TBCD: variants seen among roughly 807,000 people sequenced by gnomAD.
The protein encoded by TBCD is tubulin-specific chaperone D.
TBCD carries 105 observed loss-of-function variants against 169.3 expected under a neutral mutation model. The ratio of observed to expected loss-of-function variants is 0.62; its 90% CI spans 0.53 to 0.73. TBCD has a LOEUF of 0.73. Among genes scored for constraint, TBCD ranks in the 30% least tolerant of loss-of-function variants. The pLI is 0.00. For missense variants in TBCD, 1,444 were observed against 1,600.1 expected, an observed-to-expected ratio of 0.90 and a Z score of 1.66; for synonymous variants, 700 against 643.9, an observed-to-expected ratio of 1.09 and a Z score of -1.32.
In TBCD at chr17:82,831,684, C is replaced by T. The variant is rs143407397; in HGVS notation, c.1318+16750C>T. On this transcript the variant is annotated intron_variant, in intron 13 of 38. Transcript: ENST00000355528. The surrounding 1 kb of genome is among the most constrained non-coding windows in gnomAD (Gnocchi z 4.6). Reference sequence around the variant, plus strand: ...GCGAGCTCCCAGCCAGCAGGTAAGGCGAGTAGATGGTGGCCAGCCCGTGCT... The same window carrying T: ...GCGAGCTCCCAGCCAGCAGGTAAGGTGAGTAGATGGTGGCCAGCCCGTGCT... 4.5e-5 allele frequency: 73 copies of T among 1,613,870 alleles called. No homozygotes were observed. In the African/African-American group the frequency reaches 7.1e-4, roughly 16 times the overall value.
At chr17:82,834,636 A>T (rs547009713) in intron 13 of TBCD, among the ~76,000 whole-genome samples, 2 of 148,924 alleles carry the variant, frequency 1.3e-5, no homozygotes, top group Non-Finnish European at 3.0e-5. Context: ...CCAAACGTGC[A>T]TGGTCTCACC....
rs953576923 is a variant in TBCD, at chr17:82,922,087, T to C, written c.2178+510T>C. Among the ~76,000 whole-genome samples, 2 of 152,188 alleles carry C rather than the reference T, an allele frequency of 1.3e-5. No homozygotes were observed. Among genetic ancestry groups the C allele is most frequent in the Non-Finnish European group, 2.9e-5 (2 of 68,038 alleles). ...CTTTGGACTCACAGAGCTGTAACGC[T>C]GATCTCATTGCATAGATAAGAAACC... On this transcript the variant is annotated intron_variant, in intron 25 of 38. Transcript: ENST00000355528. This position sits in a 1 kb window ranked among gnomAD's most constrained non-coding sequence, Gnocchi z 4.1.
chr17:82,901,796 G>C (rs950574150), intron 18 of TBCD, among the ~76,000 whole-genome samples: 23 of 152,352 alleles, frequency 1.5e-4, no homozygotes, highest in African/African-American at 5.5e-4. Context: ...CGCTTACAGA[G>C]AGGGGTGTGA....
chr17:82,940,380 T>C (rs2063075391), intron 37 of TBCD, among the ~76,000 whole-genome samples: 1 of 151,886 alleles, frequency 6.6e-6, no homozygotes, highest in Non-Finnish European at 1.5e-5. Flanking sequence ...GCTGCTCTGT[T>C]TTGAGTGCCG....
rs2049376384 is a variant in TBCD at position 82,787,160 on chromosome 17, A to G, written c.771+5439A>G. Among the ~76,000 whole-genome samples, 5 of 151,854 alleles carry G rather than the reference A, an allele frequency of 3.3e-5. No homozygotes were observed. In the South Asian group the frequency reaches 1.0e-3, roughly 32 times the overall value. On this transcript the variant is annotated intron_variant, in intron 7 of 38. Coordinates refer to ENST00000355528, the MANE Select transcript of TBCD (RefSeq NM_005993.5). Reference sequence around the variant, plus strand: ...GCTTAGGAGAGCCGAGCCCTGTGCCACCCCCCGGCATATGCTGGCAAAGAG... The same window carrying G: ...GCTTAGGAGAGCCGAGCCCTGTGCCGCCCCCCGGCATATGCTGGCAAAGAG...
In TBCD at chr17:82,764,059, C is replaced by G. The variant is rs920312473; in HGVS notation, c.330C>G (p.Thr110=). 2 of 1,611,724 alleles carry G rather than the reference C, an allele frequency of 1.2e-6. No individual in the cohort carries two copies. Among genetic ancestry groups the G allele is most frequent in the African/African-American group, 1.3e-5 (1 of 74,884 alleles). Residue 110 remains threonine, a synonymous_variant, in exon 3 of 39, where the codon ACC becomes ACG. Coordinates refer to ENST00000355528, the MANE Select transcript of TBCD (RefSeq NM_005993.5). ...CTTTTAAATTTCTTTACATCATCAC[C>G]AAGGTAACATTTCCATAGCACTTCA... is the stretch of plus-strand genomic sequence containing the variant. ...HLAFKFLYII[T]KVRGYKTFLR...
chr17:82,898,002 G>A (rs1381670357), intron 17 of TBCD, among the ~76,000 whole-genome samples: 1 of 150,862 alleles, frequency 6.6e-6, no homozygotes, highest in African/African-American at 2.5e-5. Context: ...TTTTTCATGA[G>A]CATTGAGCCC....
intron 3 of TBCD, among the ~76,000 whole-genome samples, chr17:82,765,536 G>C (rs1260290649): frequency 6.6e-6 from 1 of 152,206 alleles, no homozygotes; most frequent in Non-Finnish European, 1.5e-5. Flanking sequence ...TCGTAGTGGC[G>C]AGGCGCATTT....
chr17:82,932,387 C>T (rs941394469), intron 33 of TBCD, among the ~76,000 whole-genome samples: 2 of 152,234 alleles, frequency 1.3e-5, no homozygotes, highest in Admixed American at 1.3e-4. Flanking sequence ...TTGGACTCTC[C>T]TGTGCCCGAC....
chr17:82,763,329 C>G (rs1247804457), intron 2 of TBCD, among the ~76,000 whole-genome samples: 1 of 152,196 alleles, frequency 6.6e-6, no homozygotes, highest in Non-Finnish European at 1.5e-5. Flanking sequence ...TTTACTTTGT[C>G]TGATATTAAC....
chr17:82,779,820 AC>A (rs1717868517), intron 6 of TBCD, among the ~76,000 whole-genome samples: 1 of 152,008 alleles, frequency 6.6e-6, no homozygotes, highest in African/African-American at 2.4e-5. Flanking sequence ...TCCAGCTTCC[AC>A]GTCTCACCTT....
At chr17:82,813,440 G>C (rs2051612168) in intron 12 of TBCD, among the ~76,000 whole-genome samples, 2 of 152,062 alleles carry the variant, frequency 1.3e-5, no homozygotes, top group African/African-American at 4.8e-5. Flanking sequence ...TGTGCCCCTG[G>C]TGTCCATGGA....
At chr17:82,772,324 C>A in intron 5 of TBCD, 128 bp from the exon 6 acceptor site, 1 of 917,568 alleles carries the variant, frequency 1.1e-6, no homozygotes, top group Non-Finnish European at 1.8e-6. Context: ...GGACTTAGGC[C>A]TGTGCTGGTA....
intron 13 of TBCD, among the ~76,000 whole-genome samples, chr17:82,846,265 G>GGCA (rs1567878861): frequency 3.1e-4 from 44 of 141,512 alleles, no homozygotes; most frequent in African/African-American, 1.1e-3. Flanking sequence ...TGCGTCCTCT[G>GGCA]TGCTGTGTCC....
intron 6 of TBCD, among the ~76,000 whole-genome samples, chr17:82,779,273 G>A (rs1447679180): frequency 1.3e-5 from 2 of 152,020 alleles, no homozygotes; most frequent in African/African-American, 4.8e-5. Flanking sequence ...CAAAGTGCTG[G>A]GATTACGGGC....
intron 9 of TBCD, among the ~76,000 whole-genome samples, chr17:82,801,566 G>A (rs559513924): frequency 4.2e-5 from 6 of 143,762 alleles, no homozygotes; most frequent in Admixed American, 2.1e-4. Context: ...GGAGGCTGGC[G>A]TGTGCGTCGT....
rs2060994819 is a variant in TBCD at position 82,915,895 on chromosome 17, G to C, written c.2038+4106G>C. Among the ~76,000 whole-genome samples the C allele has an allele frequency of 6.6e-6, 1 of 152,198 alleles. No homozygotes were observed. The highest frequency in any genetic ancestry group is 2.4e-5 in the African/African-American group (1 of 41,454). The stretch of plus-strand genomic sequence containing the variant: ...TGGACTTCCTGCTGTGGGGGTGAGG[G>C]CTCCGTGCTCCATCTCTGATGCCCT... On this transcript the variant is annotated intron_variant, in intron 23 of 38. Transcript: ENST00000355528. The surrounding 1 kb of genome is among the most constrained non-coding windows in gnomAD (Gnocchi z 4.3).
intron 17 of TBCD, chr17:82,896,037 ACAAT>A (rs2059452454): frequency 6.6e-6 from 1 of 152,186 alleles, no homozygotes; most frequent in Non-Finnish European, 1.5e-5. Flanking sequence ...ACCTATCACC[ACAAT>A]CAAGACGAGA....
Position 82,767,642 on chromosome 17 carries a change from T to C in TBCD, c.436-778T>C, listed in dbSNP as rs143156663. Among the ~76,000 whole-genome samples the C allele has an allele frequency of 1.6e-3, 250 of 152,182 alleles. 4 individuals carry two copies. The highest frequency in any genetic ancestry group is 5.5e-3 in the African/African-American group (227 of 41,552). ...TTTTAGTAGAAACAGGGTTTCTCCA[T>C]GTTGGTCAGGCTGGTTTAGGACTCT... On this transcript the variant is annotated intron_variant, in intron 4 of 38. Coordinates refer to ENST00000355528, the MANE Select transcript of TBCD (RefSeq NM_005993.5).
Sources: gnomAD v4.1 joint callset for allele counts (sites outside exome capture counted in the v4.1 genomes callset) on GRCh38, gnomAD v4.1.1 for gene constraint, Gnocchi (gnomAD v3.1) non-coding constraint, MANE v1.5 for transcripts, NCBI Gene and HGNC (gene_info 2026-07-23, HGNC 2026-07-21) for gene names.